The following LINGO2 variants were observed in gnomAD, a reference collection of about 807,000 sequenced individuals.
LINGO2 encodes leucine-rich repeat and immunoglobulin-like domain-containing nogo receptor-interacting protein 2.
Under a neutral mutation model 30.6 loss-of-function variants are expected in LINGO2, and 14 were observed. That is an observed-to-expected ratio of 0.46 (90% CI 0.30 to 0.72). The LOEUF is 0.72. LINGO2 is among the 30% of genes least tolerant of loss of function. The pLI is 0.07. For missense variants in LINGO2, 729 were observed against 751.7 expected (o/e 0.97, Z 0.35); for synonymous variants, 317 against 288.5 (o/e 1.10, Z -1.00).
intron 3 of LINGO2, among the ~76,000 whole-genome samples, chr9:28,351,990 G>T (rs1373308577): frequency 1.3e-5 from 2 of 151,620 alleles, no homozygotes; most frequent in African/African-American, 4.9e-5. Flanking sequence ...AGGTATTGCT[G>T]GGATGTATTT....
intron 1 of LINGO2, among the ~76,000 whole-genome samples, chr9:28,547,646 A>G (rs1822020428): frequency 6.6e-6 from 1 of 152,188 alleles, no homozygotes; most frequent in Non-Finnish European, 1.5e-5. Context: ...AACGATTTAC[A>G]AGAAATGAAA....
the LINGO2 span, among the ~76,000 whole-genome samples, chr9:28,757,622 C>G: frequency 6.6e-6 from 1 of 151,956 alleles, no homozygotes; most frequent in Admixed American, 6.6e-5. Flanking sequence ...TTTTTCTCCA[C>G]GAACAACTGA....
intron 2 of LINGO2, among the ~76,000 whole-genome samples, chr9:28,465,248 T>A (rs938231080): frequency 1.3e-5 from 2 of 152,036 alleles, no homozygotes; most frequent in African/African-American, 4.8e-5. Context: ...ATGGTGAACA[T>A]AGAAATTTTA....
intron 4 of LINGO2, among the ~76,000 whole-genome samples, chr9:28,077,720 C>T (rs1018614927): frequency 6.7e-6 from 1 of 148,282 alleles, no homozygotes; most frequent in Non-Finnish European, 1.5e-5. Context: ...AAACCAAAAC[C>T]CACTCCAATG....
At chr9:28,181,367 C>A (rs1463592550) in intron 4 of LINGO2, among the ~76,000 whole-genome samples, 3 of 152,090 alleles carry the variant, frequency 2.0e-5, no homozygotes, top group Non-Finnish European at 2.9e-5. Flanking sequence ...AATAATGTTG[C>A]CTCATTATCA....
At chr9:28,426,337 G>A (rs1823412729) in intron 2 of LINGO2, among the ~76,000 whole-genome samples, 3 of 152,014 alleles carry the variant, frequency 2.0e-5, no homozygotes, top group Admixed American at 2.0e-4. Flanking sequence ...AGTAGACATA[G>A]GACGTGTAAT....
chr9:29,210,060 T>C, the LINGO2 span, among the ~76,000 whole-genome samples: 2 of 152,190 alleles, frequency 1.3e-5, no homozygotes, highest in Non-Finnish European at 2.9e-5. Context: ...CAGTTTTTAA[T>C]TGAAGTATCA....
At chr9:28,002,240 T>G (rs1821995036) in intron 5 of LINGO2, among the ~76,000 whole-genome samples, 1 of 150,048 alleles carries the variant, frequency 6.7e-6, no homozygotes, top group African/African-American at 2.4e-5. Context: ...GCCCAACAAA[T>G]TAAATTCTCT....
chr9:28,579,468 C>T (rs1824155238), intron 1 of LINGO2, among the ~76,000 whole-genome samples: 1 of 151,920 alleles, frequency 6.6e-6, no homozygotes, highest in African/African-American at 2.4e-5. Flanking sequence ...AAATAAATTT[C>T]TGAAAATAAT....
intron 5 of LINGO2, among the ~76,000 whole-genome samples, chr9:28,005,195 T>C (rs965417631): frequency 3.3e-5 from 5 of 152,216 alleles, no homozygotes; most frequent in African/African-American, 4.8e-5. Context: ...GCTGAGGTCA[T>C]ACCAATCCAG....
At chr9:28,368,600 T>TTTTC (rs1554712232) in intron 3 of LINGO2, among the ~76,000 whole-genome samples, 2 of 149,906 alleles carry the variant, frequency 1.3e-5, no homozygotes, top group Non-Finnish European at 3.0e-5. Flanking sequence ...TTTTCTTTTT[T>TTTTC]TTTTTTTTCT....
chr9:29,067,099 T>G, the LINGO2 span, among the ~76,000 whole-genome samples: 1 of 151,814 alleles, frequency 6.6e-6, no homozygotes, highest in Non-Finnish European at 1.5e-5. Context: ...GAGATATGCT[T>G]TGTACAGAAG....
the LINGO2 span, among the ~76,000 whole-genome samples, chr9:28,684,115 A>G: frequency 2.0e-5 from 3 of 147,478 alleles, no homozygotes; most frequent in Non-Finnish European, 4.5e-5. Context: ...TTTTATTTCC[A>G]TTGTATGCAT....
intron 4 of LINGO2, among the ~76,000 whole-genome samples, chr9:28,248,763 A>C (rs891845251): frequency 3.3e-5 from 5 of 152,176 alleles, no homozygotes; most frequent in Admixed American, 1.3e-4. Context: ...TCCAGAAAAA[A>C]TAAAATTGTT....
the LINGO2 span, among the ~76,000 whole-genome samples, chr9:29,072,772 C>T: frequency 0.19 from 29,192 of 150,536 alleles, 2,990 homozygotes; most frequent in African/African-American, 0.24. Context: ...CTCTCCAATA[C>T]GGTAGCCACT....
chr9:28,834,400 G>A, the LINGO2 span, among the ~76,000 whole-genome samples: 1 of 152,134 alleles, frequency 6.6e-6, no homozygotes, highest in Non-Finnish European at 1.5e-5. Flanking sequence ...AGATTTCAAT[G>A]TTGCTATGTA....
chr9:28,247,186 G>T (rs770912411), intron 4 of LINGO2, among the ~76,000 whole-genome samples: 12 of 152,332 alleles, frequency 7.9e-5, no homozygotes, highest in Non-Finnish European at 1.5e-4. Context: ...GTGGATGACA[G>T]TGTGGCGATT....
chr9:28,638,063 CAT>C (rs1213753703), intron 1 of LINGO2, among the ~76,000 whole-genome samples: 2 of 152,140 alleles, frequency 1.3e-5, no homozygotes, highest in African/African-American at 4.8e-5. Context: ...GCCTTTTCTG[CAT>C]CTATTGAGAT....
the LINGO2 span, among the ~76,000 whole-genome samples, chr9:28,794,323 C>CAAAA: frequency 6.6e-5 from 10 of 151,908 alleles, no homozygotes; most frequent in East Asian, 1.9e-4. Flanking sequence ...CAAAACAAAA[C>CAAAA]CAAAACACAC....
Sources: gnomAD v4.1 joint callset for allele counts (sites outside exome capture counted in the v4.1 genomes callset) on GRCh38, gnomAD v4.1.1 for gene constraint, MANE v1.5 for transcripts, NCBI Gene and HGNC (gene_info 2026-07-23, HGNC 2026-07-21) for gene names.